PDZRN4: variants seen among roughly 807,000 people sequenced by gnomAD.
PDZRN4 encodes the protein PDZ domain-containing RING finger protein 4.
PDZRN4 carries 70 observed loss-of-function variants against 99.0 expected under a neutral mutation model. That is an observed-to-expected ratio of 0.71 (90% CI 0.58 to 0.86). The LOEUF (loss-of-function observed/expected upper bound fraction) is 0.86. Among genes scored for constraint, PDZRN4 ranks in the 40% least tolerant of loss-of-function variants. The pLI, the probability that PDZRN4 is intolerant of heterozygous loss-of-function variation, is 0.00. For missense variants in PDZRN4, 1,474 were observed against 1,331.2 expected, an observed-to-expected ratio of 1.11 and a Z score of -1.67; for synonymous variants, 551 against 501.6, an observed-to-expected ratio of 1.10 and a Z score of -1.32.
At chr12:41,231,557 T>C (rs1376827515) in intron 3 of PDZRN4, among the ~76,000 whole-genome samples, 1 of 152,236 alleles carries the variant, frequency 6.6e-6, no homozygotes. Context: ...TTCCTAATTA[T>C]GTACTGAATG....
At chr12:41,233,807 G>A (rs7311228) in intron 3 of PDZRN4, among the ~76,000 whole-genome samples, 2,009 of 151,866 alleles carry the variant, frequency 0.013, 44 homozygotes, top group African/African-American at 0.046. Context: ...GGGAGCGGGG[G>A]GGAGATAGCA....
intron 3 of PDZRN4, chr12:41,437,894 T>C: frequency 6.2e-7 from 1 of 1,613,762 alleles, no homozygotes; most frequent in South Asian, 1.1e-5. Flanking sequence ...TTCACTTGCC[T>C]TTCAGTTCTG....
At chr12:41,371,421 G>C (rs1170328689) in intron 3 of PDZRN4, among the ~76,000 whole-genome samples, 1 of 151,892 alleles carries the variant, frequency 6.6e-6, no homozygotes, top group Non-Finnish European at 1.5e-5. Context: ...GTCAGTGATT[G>C]AATTTTTTCT....
Position 41,509,899 on chromosome 12 carries a change from G to A in PDZRN4, c.1189G>A (p.Asp397Asn). 6.4e-7 allele frequency: 1 copy of A among 1,557,744 alleles called. No homozygotes were observed. Residue 397 changes from aspartate (D) to asparagine (N), a missense_variant, in exon 5 of 10, where the codon GAC becomes AAC. Physicochemically the swap from Asp to Asn is conservative, Grantham distance 23. Coordinates refer to ENST00000402685, the MANE Select transcript of PDZRN4 (RefSeq NM_001164595.2). ...SLPADADRTE[D>N]FEYEEVELCR... is the part of the protein sequence containing the mutation. ...GCCTGCTGATGCAGACAGAACAGAA[G>A]ACTTTGAATATGAGGTAAGGTCATT...
rs189081368 is a variant in PDZRN4, at chr12:41,241,314, C to A, written c.843+47126C>A. ...GATAAAGGATACCAGGGATTAAGAT[C>A]TGGAGCTATGATATACTGTGTTTGG... On this transcript the variant is annotated intron_variant, in intron 3 of 9. Transcript: ENST00000402685. 4.0e-5 allele frequency among the ~76,000 whole-genome samples: 6 copies of A among 151,834 alleles called. No homozygotes were observed. In the East Asian group the frequency reaches 9.7e-4, roughly 24 times the overall value.
At chr12:41,419,551 C>T (rs2120403281) in intron 3 of PDZRN4, among the ~76,000 whole-genome samples, 1 of 152,240 alleles carries the variant, frequency 6.6e-6, no homozygotes, top group Non-Finnish European at 1.5e-5. Flanking sequence ...ACCTAATGAT[C>T]TTCTGGAAAG....
intron 5 of PDZRN4, among the ~76,000 whole-genome samples, chr12:41,517,028 T>A (rs568578717): frequency 6.6e-6 from 1 of 152,164 alleles, no homozygotes; most frequent in South Asian, 2.1e-4. Flanking sequence ...TTGGCAACAG[T>A]TACCACAGTA....
At chr12:41,287,338 T>C (rs1388218052) in intron 3 of PDZRN4, among the ~76,000 whole-genome samples, 1 of 152,182 alleles carries the variant, frequency 6.6e-6, no homozygotes, top group Non-Finnish European at 1.5e-5. Flanking sequence ...AACTCTAAGA[T>C]CCTTTCTAGC....
intron 3 of PDZRN4, among the ~76,000 whole-genome samples, chr12:41,494,931 A>G (rs543073594): frequency 8.8e-4 from 134 of 152,284 alleles, no homozygotes; most frequent in African/African-American, 2.3e-3. Context: ...AATACCATTC[A>G]TTGTGTAGGC....
At chr12:41,423,418 C>T (rs1303553492) in intron 3 of PDZRN4, among the ~76,000 whole-genome samples, 5 of 151,972 alleles carry the variant, frequency 3.3e-5, no homozygotes, top group Non-Finnish European at 7.4e-5. Flanking sequence ...TTCTTGCATT[C>T]GTTTTCTGAG....
chr12:41,489,152 ATTC>A (rs149422467), intron 3 of PDZRN4, among the ~76,000 whole-genome samples: 14,944 of 152,044 alleles, frequency 0.098, 1,901 homozygotes, highest in African/African-American at 0.28. Flanking sequence ...GCCCAAGACA[ATTC>A]TTCTTCTCCC....
chr12:41,421,770 C>T (rs1394961693), intron 3 of PDZRN4, among the ~76,000 whole-genome samples: 1 of 151,964 alleles, frequency 6.6e-6, no homozygotes, highest in East Asian at 1.9e-4. Flanking sequence ...CTTTCTCAGC[C>T]CCTCCATTTC....
rs1950707262 is a variant in PDZRN4, at chr12:41,188,377, G to A, written c.-79G>A. ...GCCGCCGCCGCGAGACGGCTGCCCC[G>A]GGGGTGGCCCGGGGAAGGCAGGGGG... On this transcript the variant is annotated 5_prime_UTR_variant, in exon 1 of 10. Coordinates refer to ENST00000402685, the MANE Select transcript of PDZRN4 (RefSeq NM_001164595.2). 7.4e-7 allele frequency: 1 copy of A among 1,353,090 alleles called. No homozygotes were observed. Among genetic ancestry groups the A allele is most frequent in the Non-Finnish European group, 9.7e-7 (1 of 1,025,774 alleles). The allele number at this position is 1,353,090 out of a possible 1,614,324, so 83.8% of individuals were successfully genotyped here.
chr12:41,283,670 G>T (rs142665850), intron 3 of PDZRN4, among the ~76,000 whole-genome samples: 2,344 of 152,156 alleles, frequency 0.015, 23 homozygotes, highest in Middle Eastern at 0.034. Context: ...CGTGATCAAG[G>T]TGGCTTCATC....
At chr12:41,391,064 T>C (rs951154179) in intron 3 of PDZRN4, among the ~76,000 whole-genome samples, 1 of 152,138 alleles carries the variant, frequency 6.6e-6, no homozygotes, top group East Asian at 1.9e-4. Context: ...CCTCAGAAAG[T>C]CCCAAGACTT....
intron 3 of PDZRN4, among the ~76,000 whole-genome samples, chr12:41,482,137 TTTTA>T (rs1244531344): frequency 6.6e-6 from 1 of 152,184 alleles, no homozygotes; most frequent in East Asian, 1.9e-4. Context: ...CTTCTCTTTC[TTTTA>T]GACTTTTCCT....
At chr12:41,344,763 T>C (rs1951841270) in intron 3 of PDZRN4, among the ~76,000 whole-genome samples, 2 of 148,544 alleles carry the variant, frequency 1.3e-5, no homozygotes, top group South Asian at 4.2e-4. Context: ...ATATGATATA[T>C]GATATACATA....
chr12:41,204,612 G>A (rs1172086238), intron 3 of PDZRN4, among the ~76,000 whole-genome samples: 1 of 151,976 alleles, frequency 6.6e-6, no homozygotes, highest in South Asian at 2.1e-4. Flanking sequence ...AAATGCAGGA[G>A]GAACTACCAA....
At chr12:41,221,060 A>G (rs1473160211) in intron 3 of PDZRN4, among the ~76,000 whole-genome samples, 1 of 152,184 alleles carries the variant, frequency 6.6e-6, no homozygotes, top group Non-Finnish European at 1.5e-5. Context: ...GCCATGAAGC[A>G]TCCATGCAAT....
Sources: gnomAD v4.1 joint callset for allele counts (sites outside exome capture counted in the v4.1 genomes callset) on GRCh38, gnomAD v4.1.1 for gene constraint, MANE v1.5 for transcripts, NCBI Gene and HGNC (gene_info 2026-07-23, HGNC 2026-07-21) for gene names.